Variants in XPO5 observed in about 807,000 individuals in gnomAD.
The protein encoded by XPO5 is exportin 5.
A neutral mutation model predicts 160.6 loss-of-function variants in XPO5; 46 were observed. The ratio of observed to expected loss-of-function variants is 0.29; its 90% CI spans 0.23 to 0.37. The LOEUF is 0.37. XPO5 is among the 10% of genes least tolerant of loss of function. The pLI, the probability that XPO5 is intolerant of heterozygous loss-of-function variation, is 1.00. For missense variants in XPO5, 1,090 were observed against 1,463.9 expected (o/e 0.74, Z 4.17); for synonymous variants, 537 against 519.3 (o/e 1.03, Z -0.46).
intron 15 of XPO5, chr6:43,550,844 A>C (rs185580758): frequency 6.6e-6 from 1 of 152,556 alleles, no homozygotes; most frequent in Admixed American, 6.5e-5. Flanking sequence ...AAACCTGGAA[A>C]GTGTTCCTTC....
At chr6:43,562,129 T>C (rs2127746174) in intron 9 of XPO5, 118 bp downstream of exon 9, 7 of 668,686 alleles carry the variant, frequency 1.0e-5, no homozygotes, top group South Asian at 9.8e-5. Context: ...ATAACTTGTA[T>C]GGCACTGCCC....
At chr6:43,547,507 C>T in intron 19 of XPO5, 101 bp downstream of exon 19, 2 of 1,060,048 alleles carry the variant, frequency 1.9e-6, no homozygotes, top group Admixed American at 2.0e-5. Flanking sequence ...CCACGTTTCT[C>T]ACCAGTATAG....
At chr6:43,559,511 T>C (rs1184590505) in intron 11 of XPO5, among the ~76,000 whole-genome samples, 1 of 152,234 alleles carries the variant, frequency 6.6e-6, no homozygotes, top group African/African-American at 2.4e-5. Context: ...TTTCCCTTTG[T>C]AACTCTCACT....
intron 19 of XPO5, among the ~76,000 whole-genome samples, 188 bp from the exon 20 acceptor site, chr6:43,546,940 C>T (rs1387663335): frequency 6.6e-6 from 1 of 152,154 alleles, no homozygotes; most frequent in Non-Finnish European, 1.5e-5. Flanking sequence ...CCTCTCACTG[C>T]CATTTTCAGG....
intron 13 of XPO5, 38 bp downstream of exon 13, chr6:43,555,798 T>C: frequency 6.2e-7 from 1 of 1,612,896 alleles, no homozygotes; most frequent in African/African-American, 1.3e-5. Flanking sequence ...GATACTGTCC[T>C]AACATTTCAC....
At chr6:43,561,495 C>T (rs1417410166) in intron 9 of XPO5, 1 of 154,618 alleles carries the variant, frequency 6.5e-6, no homozygotes, top group African/African-American at 2.4e-5. Context: ...TCTCCTGCCT[C>T]AGCCTCTCGA....
intron 20 of XPO5, among the ~76,000 whole-genome samples, chr6:43,541,016 C>T (rs1443238822): frequency 6.6e-6 from 1 of 151,932 alleles, no homozygotes; most frequent in African/African-American, 2.4e-5. Flanking sequence ...AGACACATCA[C>T]ATGTTCTCAC....
intron 21 of XPO5, 54 bp from the exon 22 acceptor site, chr6:43,531,629 T>C: frequency 6.9e-7 from 1 of 1,454,234 alleles, no homozygotes; most frequent in Admixed American, 1.7e-5. Context: ...GAGTCTCAAT[T>C]GGCCAACACT....
At chr6:43,535,959 C>T (rs865828328) in intron 20 of XPO5, among the ~76,000 whole-genome samples, 2 of 151,550 alleles carry the variant, frequency 1.3e-5, no homozygotes, top group African/African-American at 4.9e-5. Flanking sequence ...CCTGTCTCTA[C>T]TAAAAATATA....
intron 13 of XPO5, among the ~76,000 whole-genome samples, chr6:43,553,974 C>T (rs1188952890): frequency 6.6e-6 from 1 of 152,192 alleles, no homozygotes; most frequent in African/African-American, 2.4e-5. Context: ...CAAAATACTG[C>T]TTCACATCCA....
In XPO5 at chr6:43,533,991, A is replaced by G. The variant is rs1794161228; in HGVS notation, c.2359T>C (p.Tyr787His). The change falls in exon 21 of 32, where the codon TAT (tyrosine) becomes CAT (histidine). Residue 787 changes from tyrosine (Y) to histidine (H), a missense_variant. Coordinates refer to ENST00000265351, the MANE Select transcript of XPO5 (RefSeq NM_020750.3). Reference protein sequence around the residue: ...LALIRTHNTLYAPEMLAKMAE... With the variant: ...LALIRTHNTLHAPEMLAKMAE... ...ATTTTGGCTAGCATTTCTGGTGCAT[A>G]TAATGTATTGTGGGTTCTGAAAGAA... 1 of 1,602,400 alleles carries G rather than the reference A, an allele frequency of 6.2e-7. No homozygotes were observed. Among genetic ancestry groups the G allele is most frequent in the Non-Finnish European group, 8.5e-7 (1 of 1,172,578 alleles).
In XPO5 at chr6:43,531,467, T is replaced by C. The variant is rs775536650; in HGVS notation, c.2540+12A>G. ...AGGAAGAAAATATGGAGAGGCAGCA[T>C]TGGTTCCTTACCAGTTTTCATAGAG... On this transcript the variant is annotated intron_variant, in intron 22 of 31. Transcript: ENST00000265351. The C allele has an allele frequency of 1.9e-6, 3 of 1,608,398 alleles. No homozygotes were observed. The highest frequency in any genetic ancestry group is 1.7e-4 in the Middle Eastern group (1 of 6,050).
At chr6:43,531,661 C>T (rs1311934798) in intron 21 of XPO5, 86 bp from the exon 22 acceptor site, 4 of 1,186,620 alleles carry the variant, frequency 3.4e-6, no homozygotes, top group African/African-American at 1.5e-5. Flanking sequence ...AGCTGTTGTT[C>T]AGGGGTGAAG....
At chr6:43,525,656 G>C (rs1166739798) in intron 28 of XPO5, 183 bp downstream of exon 28, 1 of 620,822 alleles carries the variant, frequency 1.6e-6, no homozygotes, top group Admixed American at 3.0e-5. Flanking sequence ...GCCTATGCTG[G>C]TATGGGAGAC....
At chr6:43,539,055 C>T in intron 20 of XPO5, 7 of 1,527,336 alleles carry the variant, frequency 4.6e-6, no homozygotes, top group Non-Finnish European at 6.3e-6. Context: ...TCGATACCAG[C>T]CATCATGAGC....
intron 6 of XPO5, among the ~76,000 whole-genome samples, chr6:43,567,586 C>T (rs755781128): frequency 6.6e-6 from 1 of 152,024 alleles, no homozygotes; most frequent in South Asian, 2.1e-4. Context: ...CACAAAACCC[C>T]AAATCTTATC....
At position 43,522,347 on chromosome 6, in the gene XPO5, CTG is replaced by C. The variant is rs1177288883; in HGVS notation, c.*1519_*1520del. On this transcript the variant is annotated 3_prime_UTR_variant, in exon 32 of 32. Transcript: ENST00000265351. The stretch of plus-strand genomic sequence containing the variant: ...CAGATGGGTCCCTTTCTGTACGAAA[CTG>C]AGATTTTTACTGACATGCAGATGTG... 2 of 153,434 alleles carry C rather than the reference CTG, an allele frequency of 1.3e-5. No individual in the cohort carries two copies. Among genetic ancestry groups the C allele is most frequent in the African/African-American group, 4.8e-5 (2 of 41,472 alleles). 9.5% of individuals were successfully genotyped at this position (153,434 alleles called of 1,614,324 possible). A position where few individuals can be genotyped will look rare whatever the true frequency, so the allele number is the denominator to read the frequency against.
intron 8 of XPO5, among the ~76,000 whole-genome samples, chr6:43,565,203 T>C (rs1244899743): frequency 6.6e-6 from 1 of 152,146 alleles, no homozygotes; most frequent in African/African-American, 2.4e-5. Flanking sequence ...ATTACAGGTG[T>C]GAGCCACCAC....
At chr6:43,549,440 C>G in intron 17 of XPO5, 49 bp downstream of exon 17, 4 of 1,539,338 alleles carry the variant, frequency 2.6e-6, no homozygotes, top group Non-Finnish European at 3.5e-6. Context: ...TGGATTTACA[C>G]ACAAATGTAA....
Sources: allele counts gnomAD v4.1 joint callset (sites outside exome capture counted in the v4.1 genomes callset), GRCh38; gene constraint gnomAD v4.1.1; transcripts MANE v1.5; gene names NCBI Gene and HGNC (gene_info 2026-07-23, HGNC 2026-07-21).